Variants in RBFOX1 observed in about 807,000 individuals in gnomAD.
RBFOX1 encodes RNA binding fox-1 homolog 1.
Under a neutral mutation model 57.7 loss-of-function variants are expected in RBFOX1, and 8 were observed. The observed-to-expected ratio is 0.14, with a 90% CI of 0.08 to 0.25. RBFOX1 has a LOEUF of 0.25. RBFOX1 is among the 10% of genes least tolerant of loss of function. RBFOX1 has a pLI of 1.00. For synonymous variants in RBFOX1, 326 were observed against 222.4 expected, an observed-to-expected ratio of 1.47 and a Z score of -4.15; for missense variants, 611 against 548.5, an observed-to-expected ratio of 1.11 and a Z score of -1.14.
At chr16:5,709,809 T>TTATATATATATATATATCTATATATATA (rs1555506307) in intron 3 of RBFOX1, among the ~76,000 whole-genome samples, 1 of 14,446 alleles carries the variant, frequency 6.9e-5, no homozygotes. Flanking sequence ...ATCAGTTTCT[T>TTATATATATATATATATCTATATATATA]TATATATATA....
intron 10 of RBFOX1, among the ~76,000 whole-genome samples, chr16:7,623,700 C>T (rs1186010477): frequency 1.3e-5 from 2 of 152,138 alleles, no homozygotes; most frequent in East Asian, 1.9e-4. Context: ...CTGGCTTAAA[C>T]AACAGAAATT....
intron 5 of RBFOX1, among the ~76,000 whole-genome samples, chr16:7,534,405 CTT>C (rs1265977267): frequency 1.3e-5 from 2 of 151,936 alleles, no homozygotes; most frequent in Admixed American, 1.3e-4. Context: ...CACAGCAACT[CTT>C]TAAACACTGA....
chr16:6,850,575 C>T (rs532652540), intron 3 of RBFOX1, among the ~76,000 whole-genome samples: 1 of 152,314 alleles, frequency 6.6e-6, no homozygotes, highest in South Asian at 2.1e-4. Context: ...TATATCCCTA[C>T]TGGCCTTAAC....
intron 1 of RBFOX1, among the ~76,000 whole-genome samples, chr16:6,223,594 G>T (rs987255084): frequency 2.6e-5 from 4 of 152,116 alleles, no homozygotes; most frequent in African/African-American, 9.7e-5. Flanking sequence ...GTAGATTCTG[G>T]ATATCAGCCC....
chr16:7,419,026 C>T (rs888528152), intron 4 of RBFOX1, among the ~76,000 whole-genome samples: 3 of 152,032 alleles, frequency 2.0e-5, no homozygotes, highest in Non-Finnish European at 4.4e-5. Context: ...CACTTCAGCC[C>T]CTGGAGTAGC....
At chr16:6,047,041 A>G (rs17139233) in intron 1 of RBFOX1, among the ~76,000 whole-genome samples, 28,873 of 152,138 alleles carry the variant, frequency 0.19, 2,865 homozygotes, top group East Asian at 0.32. Context: ...TGCTGCTGCC[A>G]TGGAGCTGAA....
chr16:6,300,148 A>G lies in RBFOX1; in HGVS notation c.-126-16847A>G, dbSNP rs550909165. Among the ~76,000 whole-genome samples, 11 of 152,334 alleles carry G rather than the reference A, an allele frequency of 7.2e-5. No individual in the cohort carries two copies. In the South Asian group the frequency reaches 2.1e-3, roughly 29 times the overall value. ...TGAGGAATCTAAAAAAGTCAAACTC[A>G]TAGAAACAGAGAGTAGAATGGTGTT... On this transcript the variant is annotated intron_variant, in intron 1 of 15. Coordinates refer to ENST00000550418, the MANE Select transcript of RBFOX1 (RefSeq NM_018723.4).
intron 1 of RBFOX1, chr16:6,038,607 A>ATC (rs2095400386): frequency 6.8e-6 from 1 of 147,416 alleles, no homozygotes; most frequent in Admixed American, 6.8e-5. Context: ...ATATATATAT[A>ATC]TCTCCATGGA....
chr16:7,451,770 C>G (rs560533262), intron 4 of RBFOX1, among the ~76,000 whole-genome samples: 47 of 145,322 alleles, frequency 3.2e-4, no homozygotes, highest in African/African-American at 9.9e-4. Flanking sequence ...AGAGGCAAGA[C>G]CAAATTTGTG....
At chr16:6,499,832 C>T (rs1189207564) in intron 2 of RBFOX1, among the ~76,000 whole-genome samples, 3 of 152,112 alleles carry the variant, frequency 2.0e-5, no homozygotes, top group African/African-American at 7.2e-5. Context: ...ATCGATACCT[C>T]CTCTTGTTGC....
chr16:5,865,540 G>A (rs2057325675), intron 3 of RBFOX1, among the ~76,000 whole-genome samples: 2 of 152,218 alleles, frequency 1.3e-5, no homozygotes, highest in South Asian at 4.1e-4. Flanking sequence ...TCCATGGACA[G>A]CGAGCTCTGC....
At chr16:6,796,921 C>T (rs185156476) in intron 3 of RBFOX1, among the ~76,000 whole-genome samples, 1 of 152,172 alleles carries the variant, frequency 6.6e-6, no homozygotes, top group Non-Finnish European at 1.5e-5. Context: ...CTTTCTTCCA[C>T]ATCTCAAATT....
chr16:5,739,807 C>G (rs536933019), intron 3 of RBFOX1, among the ~76,000 whole-genome samples: 9 of 152,342 alleles, frequency 5.9e-5, no homozygotes, highest in Non-Finnish European at 1.3e-4. Context: ...TCCCCTCTCT[C>G]CATCTGCACG....
At chr16:6,502,022 C>G (rs1300247931) in intron 2 of RBFOX1, among the ~76,000 whole-genome samples, 1 of 152,142 alleles carries the variant, frequency 6.6e-6, no homozygotes, top group Admixed American at 6.6e-5. Context: ...GGAATGCCTG[C>G]TTAGGGGGGT....
At chr16:5,521,413 T>G (rs74004368) in intron 2 of RBFOX1, among the ~76,000 whole-genome samples, 1 of 152,212 alleles carries the variant, frequency 6.6e-6, no homozygotes, top group Non-Finnish European at 1.5e-5. Context: ...CTTGTACATT[T>G]GATTTTAGGA....
At chr16:6,493,336 A>G (rs2095678379) in intron 2 of RBFOX1, among the ~76,000 whole-genome samples, 1 of 152,128 alleles carries the variant, frequency 6.6e-6, no homozygotes, top group South Asian at 2.1e-4. Context: ...ATATGTGTTA[A>G]CAGTAATGGT....
chr16:6,883,292 G>C (rs934037390), intron 3 of RBFOX1, among the ~76,000 whole-genome samples: 7 of 152,080 alleles, frequency 4.6e-5, no homozygotes, highest in African/African-American at 1.7e-4. Flanking sequence ...CTTGCTTAAT[G>C]CTACTTTTTG....
intron 3 of RBFOX1, among the ~76,000 whole-genome samples, chr16:6,797,979 G>A (rs924238007): frequency 1.5e-4 from 23 of 152,056 alleles, no homozygotes; most frequent in African/African-American, 5.3e-4. Flanking sequence ...GATGGTGATA[G>A]CGGTGATGGT....
At chr16:6,057,808 A>G (rs2095632734) in intron 1 of RBFOX1, among the ~76,000 whole-genome samples, 1 of 108,552 alleles carries the variant, frequency 9.2e-6, no homozygotes, top group South Asian at 3.2e-4. Context: ...TTGAAATTTT[A>G]TGAGGGTTTG....
Sources: allele counts gnomAD v4.1 joint callset (sites outside exome capture counted in the v4.1 genomes callset), GRCh38; gene constraint gnomAD v4.1.1; transcripts MANE v1.5; gene names NCBI Gene and HGNC (gene_info 2026-07-23, HGNC 2026-07-21).